TLL1: variants seen among roughly 807,000 people sequenced by gnomAD.
TLL1 encodes the protein tolloid-like protein 1.
TLL1 carries 49 observed loss-of-function variants against 128.2 expected under a neutral mutation model. That is an observed-to-expected ratio of 0.38 (90% CI 0.30 to 0.48). The LOEUF (loss-of-function observed/expected upper bound fraction) is 0.48. Among genes scored for constraint, TLL1 ranks in the 20% least tolerant of loss-of-function variants. TLL1 has a pLI of 0.96. For missense variants in TLL1, 1,123 were observed against 1,242.0 expected (o/e 0.90, Z 1.44); for synonymous variants, 454 against 418.8 (o/e 1.08, Z -1.03).
At chr4:166,042,955 G>A (rs903570289) in intron 11 of TLL1, among the ~76,000 whole-genome samples, 3 of 152,202 alleles carry the variant, frequency 2.0e-5, no homozygotes, top group African/African-American at 2.4e-5. Context: ...AAGCAGCTCA[G>A]AGAATCACAG....
At position 166,008,010 on chromosome 4, in the gene TLL1, C is replaced by A. The variant is rs753133420; in HGVS notation, c.879C>A (p.Phe293Leu). The A allele has an allele frequency of 6.2e-7, 1 of 1,609,650 alleles. No homozygotes were observed. Among genetic ancestry groups the A allele is most frequent in the South Asian group, 1.1e-5 (1 of 91,014 alleles). ...EVNSLGERYD[F>L]DSIMHYARNT... ...ACTCACTTGGAGAAAGATATGATTT[C>A]GACAGTATCATGCACTATGCCAGGA... The change falls in exon 7 of 21, where the codon TTC (phenylalanine) becomes TTA (leucine). Residue 293 changes from phenylalanine (F) to leucine (L), a missense_variant. Phe to Leu is a conservative substitution (Grantham distance 22, BLOSUM62 0). Transcript: ENST00000061240.
chr4:166,093,573 A>G (rs1741879356), intron 19 of TLL1, among the ~76,000 whole-genome samples: 1 of 152,180 alleles, frequency 6.6e-6, no homozygotes, highest in African/African-American at 2.4e-5. Context: ...GGCAGGAGAC[A>G]GTGGCTTTCC....
intron 1 of TLL1, among the ~76,000 whole-genome samples, chr4:165,939,272 GCTGCCAAT>G (rs1733895261): frequency 6.6e-6 from 1 of 152,040 alleles, no homozygotes; most frequent in Non-Finnish European, 1.5e-5. Flanking sequence ...GATTATATAA[GCTGCCAAT>G]CTTCTTGATA....
chr4:165,955,258 T>G (rs1734728155), intron 1 of TLL1, among the ~76,000 whole-genome samples: 1 of 151,828 alleles, frequency 6.6e-6, no homozygotes, highest in African/African-American at 2.4e-5. Flanking sequence ...AAAAAGAAAT[T>G]ATAAAATGAA....
intron 19 of TLL1, among the ~76,000 whole-genome samples, chr4:166,098,738 C>G (rs1846167): frequency 4.6e-5 from 7 of 151,946 alleles, no homozygotes; most frequent in Admixed American, 2.6e-4. Flanking sequence ...CACAAACACA[C>G]GCAGAGGAGT....
chr4:166,058,078 A>G (rs1349215887), intron 14 of TLL1, among the ~76,000 whole-genome samples: 1 of 152,106 alleles, frequency 6.6e-6, no homozygotes, highest in Non-Finnish European at 1.5e-5. Flanking sequence ...GTGTTTGTAC[A>G]TATTAATGTA....
chr4:165,951,985 C>T (rs1378189034), intron 1 of TLL1, among the ~76,000 whole-genome samples: 1 of 152,008 alleles, frequency 6.6e-6, no homozygotes, highest in South Asian at 2.1e-4. Context: ...CTTATTTTTA[C>T]CCTTTTATTA....
intron 1 of TLL1, 102 bp from the exon 2 acceptor site, chr4:165,989,279 A>T: frequency 1.2e-6 from 1 of 858,778 alleles, no homozygotes; most frequent in Non-Finnish European, 1.9e-6. Flanking sequence ...GTCTCTATCC[A>T]GACCACGTTT....
intron 3 of TLL1, among the ~76,000 whole-genome samples, chr4:165,993,726 G>C (rs1736741996): frequency 1.3e-5 from 2 of 152,062 alleles, no homozygotes; most frequent in South Asian, 4.1e-4. Context: ...ATTAAGAAAA[G>C]GAAAAGACTA....
chr4:166,034,814 G>C (rs529176355), intron 9 of TLL1, among the ~76,000 whole-genome samples: 36 of 152,238 alleles, frequency 2.4e-4, no homozygotes, highest in African/African-American at 7.9e-4. Context: ...GTGGACAATA[G>C]AAATTTATTT....
At chr4:165,962,679 T>C (rs1268205750) in intron 1 of TLL1, among the ~76,000 whole-genome samples, 4 of 152,090 alleles carry the variant, frequency 2.6e-5, no homozygotes, top group African/African-American at 9.7e-5. Flanking sequence ...AATGGTGGAC[T>C]GGATAAAGAA....
chr4:165,891,371 T>C (rs1306696813), intron 1 of TLL1, among the ~76,000 whole-genome samples: 1 of 152,184 alleles, frequency 6.6e-6, no homozygotes, highest in Non-Finnish European at 1.5e-5. Context: ...AGGCTATAAA[T>C]TCTCCAAACT....
In TLL1 at chr4:166,059,114, ACTTAT is replaced by A. The variant is rs528486290; in HGVS notation, c.1847-907_1847-903del. Among the ~76,000 whole-genome samples, 67 of 152,258 alleles carry A rather than the reference ACTTAT, an allele frequency of 4.4e-4. No individual in the cohort carries two copies. The East Asian group carries it at 8.7e-3, about 20-fold the overall frequency. On this transcript the variant is annotated intron_variant, in intron 14 of 20. Transcript: ENST00000061240. ...CTGTTTCTGTGGAGCAACTAGAAAT[ACTTAT>A]CTTATCATAATTTACCAAGAAAGTG...
At chr4:166,050,431 T>G (rs1427907217) in intron 12 of TLL1, among the ~76,000 whole-genome samples, 2 of 152,230 alleles carry the variant, frequency 1.3e-5, no homozygotes, top group Non-Finnish European at 2.9e-5. Context: ...TACAAGACTG[T>G]GCTTTCAATT....
At chr4:166,100,290 A>G (rs11933184) in intron 20 of TLL1, among the ~76,000 whole-genome samples, 15,286 of 152,040 alleles carry the variant, frequency 0.1, 1,251 homozygotes, top group East Asian at 0.42. Flanking sequence ...AAGCTTCTTG[A>G]TGCTTAGAGT....
intron 1 of TLL1, among the ~76,000 whole-genome samples, chr4:165,904,890 C>T (rs879778300): frequency 8.5e-5 from 13 of 152,172 alleles, no homozygotes; most frequent in Non-Finnish European, 1.2e-4. Flanking sequence ...AGAAATTGGA[C>T]GGAAAATAAG....
intron 16 of TLL1, among the ~76,000 whole-genome samples, chr4:166,071,835 A>G (rs7684252): frequency 0.52 from 78,509 of 151,838 alleles, 23,488 homozygotes; most frequent in African/African-American, 0.84. Flanking sequence ...TAAGAAATCC[A>G]AAATTGTATT....
chr4:165,947,144 C>T (rs1734288182), intron 1 of TLL1, among the ~76,000 whole-genome samples: 1 of 152,232 alleles, frequency 6.6e-6, no homozygotes, highest in African/African-American at 2.4e-5. Context: ...TCTGAGGCTG[C>T]TGTCTTGGCA....
intron 1 of TLL1, among the ~76,000 whole-genome samples, chr4:165,951,291 T>C (rs1003511831): frequency 2.0e-5 from 3 of 151,962 alleles, no homozygotes; most frequent in Middle Eastern, 3.4e-3. Flanking sequence ...TGCAGGAGGG[T>C]TGGGATTAGA....
Sources: gnomAD v4.1 joint callset for allele counts (sites outside exome capture counted in the v4.1 genomes callset) on GRCh38, gnomAD v4.1.1 for gene constraint, MANE v1.5 for transcripts, NCBI Gene and HGNC (gene_info 2026-07-23, HGNC 2026-07-21) for gene names.